FGF14: variants seen among roughly 807,000 people sequenced by gnomAD.
FGF14 encodes the protein fibroblast growth factor homologous factor 4.
In FGF14, 5 loss-of-function variants were observed where a neutral mutation model predicts 25.5. The ratio of observed to expected loss-of-function variants is 0.20; its 90% CI spans 0.10 to 0.41. The LOEUF (loss-of-function observed/expected upper bound fraction) is 0.41, where lower values mean the gene tolerates loss of function less well. Among genes scored for constraint, FGF14 ranks in the 10% least tolerant of loss-of-function variants. FGF14 has a pLI of 1.00. For synonymous variants in FGF14, 138 were observed against 118.3 expected (o/e 1.17, Z -1.08); for missense variants, 222 against 320.1 (o/e 0.69, Z 2.34).
intron 1 of FGF14, among the ~76,000 whole-genome samples, chr13:102,326,362 A>G (rs2138795439): frequency 6.6e-6 from 1 of 152,292 alleles, no homozygotes; most frequent in Admixed American, 6.5e-5. Context: ...ATATAGCCTA[A>G]GTTCAATTTA....
In FGF14 at chr13:102,287,127, T is replaced by TA. The variant is rs1195119613; in HGVS notation, c.208+114343dup. On this transcript the variant is annotated intron_variant, in intron 1 of 4. Transcript: ENST00000376131. ...ATGTACCCTAGAACTTAAAGTACAA[T>TA]AAAAAAAAAGAACAAACAGAAAACA... Among the ~76,000 whole-genome samples the TA allele has an allele frequency of 2.6e-3, 389 of 150,300 alleles. 1 individual carries two copies. The highest frequency in any genetic ancestry group is 8.2e-3 in the African/African-American group (334 of 40,940).
At chr13:101,916,314 G>C (rs922789815) in intron 1 of FGF14, 139 bp downstream of exon 1, 6 of 1,038,200 alleles carry the variant, frequency 5.8e-6, no homozygotes, top group African/African-American at 3.2e-5. Flanking sequence ...TCCCCGCGAC[G>C]GCACCCAGAG....
chr13:102,065,930 A>T (rs908117270), intron 1 of FGF14, among the ~76,000 whole-genome samples: 7 of 152,120 alleles, frequency 4.6e-5, no homozygotes, highest in Admixed American at 3.9e-4. Flanking sequence ...TTACCTATGG[A>T]TATATATTCT....
rs1049302131 is a variant in FGF14 at position 102,384,749 on chromosome 13, C to A, written c.208+16722G>T. ...TATTTTATTTACTGTTTTATTAAAC[C>A]ATCGCTTCTGATCAACTTGGAGATC... On this transcript the variant is annotated intron_variant, in intron 1 of 4. Coordinates refer to the FGF14 transcript ENST00000376131. 5.3e-5 allele frequency among the ~76,000 whole-genome samples: 8 copies of A among 152,132 alleles called. No homozygotes were observed. In the East Asian group the frequency reaches 5.8e-4, roughly 11 times the overall value.
intron 2 of FGF14, among the ~76,000 whole-genome samples, chr13:101,872,878 G>A (rs1053759060): frequency 6.6e-6 from 1 of 152,076 alleles, no homozygotes; most frequent in Admixed American, 6.6e-5. Context: ...CCCCTCGAGT[G>A]TGGGCATTAT....
intron 3 of FGF14, among the ~76,000 whole-genome samples, chr13:101,773,342 A>G (rs774252986): frequency 6.6e-6 from 1 of 152,134 alleles, no homozygotes; most frequent in Non-Finnish European, 1.5e-5. Context: ...TCACTTAGCT[A>G]ATAGGAAATC....
intron 1 of FGF14, among the ~76,000 whole-genome samples, chr13:102,046,549 T>C (rs1221913070): frequency 6.6e-6 from 1 of 152,174 alleles, no homozygotes; most frequent in Non-Finnish European, 1.5e-5. Flanking sequence ...GTCATAAATC[T>C]TTATTTGACA....
At chr13:101,897,509 T>G (rs953471510) in intron 1 of FGF14, among the ~76,000 whole-genome samples, 6 of 152,190 alleles carry the variant, frequency 3.9e-5, no homozygotes, top group African/African-American at 1.4e-4. Context: ...ATACACCTGT[T>G]GCCCAGAGTT....
At position 102,150,052 on chromosome 13, in the gene FGF14, G is replaced by A. The variant is rs182378715; in HGVS notation, c.208+251419C>T. 3.9e-4 allele frequency among the ~76,000 whole-genome samples: 60 copies of A among 152,262 alleles called. 2 individuals are homozygous for A. Among genetic ancestry groups the A allele is most frequent in the Admixed American group, 2.7e-3 (41 of 15,286 alleles). ...GGCATGTCTTAGAATGTGAGTTGAG[G>A]GGAAAATGCTACCCCAGTTGAAGCG... On this transcript the variant is annotated intron_variant, in intron 1 of 4. Coordinates refer to the FGF14 transcript ENST00000376131.
chr13:101,930,013 A>G (rs975422405), intron 1 of FGF14, among the ~76,000 whole-genome samples: 3 of 152,246 alleles, frequency 2.0e-5, no homozygotes, highest in Admixed American at 2.0e-4. Context: ...CCACTAGCTG[A>G]TTAGAGGGCT....
chr13:102,355,737 T>C (rs1486024193), intron 1 of FGF14, among the ~76,000 whole-genome samples: 5 of 152,082 alleles, frequency 3.3e-5, no homozygotes. Context: ...AGTTTGTGTC[T>C]TCATACTCTG....
chr13:101,858,745 C>G lies in FGF14; in HGVS notation c.408+9980G>C, dbSNP rs528314514. On this transcript the variant is annotated intron_variant, in intron 3 of 4. Transcript: ENST00000376143. ...TGATGTTTATGACTTTCTTCTTTGACGCTGAAAGAAAATATAAAACCAAAG... is the reference window on the plus strand; with the variant it reads ...TGATGTTTATGACTTTCTTCTTTGAGGCTGAAAGAAAATATAAAACCAAAG... Among the ~76,000 whole-genome samples, 6 of 152,138 alleles carry G rather than the reference C, an allele frequency of 3.9e-5. No homozygotes were observed. The South Asian group carries it at 1.2e-3, about 32-fold the overall frequency.
chr13:102,394,516 C>T (rs1253848075), intron 1 of FGF14: 1 of 152,496 alleles, frequency 6.6e-6, no homozygotes, highest in African/African-American at 2.4e-5. Context: ...GTTTCCATAG[C>T]AACAACAGCA....
chr13:101,860,644 G>T (rs767218650), intron 3 of FGF14, among the ~76,000 whole-genome samples: 1 of 151,778 alleles, frequency 6.6e-6, no homozygotes, highest in East Asian at 1.9e-4. Flanking sequence ...TGGTGTGATC[G>T]CAACTCACTG....
chr13:102,365,968 T>G (rs948189987), intron 1 of FGF14, among the ~76,000 whole-genome samples: 17 of 152,166 alleles, frequency 1.1e-4, no homozygotes, highest in African/African-American at 4.1e-4. Flanking sequence ...CCACTGTCAT[T>G]TGCCCAACTG....
At chr13:101,907,058 G>A (rs1449326480) in intron 1 of FGF14, among the ~76,000 whole-genome samples, 5 of 152,012 alleles carry the variant, frequency 3.3e-5, no homozygotes, top group Non-Finnish European at 1.5e-5. Context: ...TGCTATGATA[G>A]TAATTAAGGA....
rs41388245 is a variant in FGF14, at chr13:102,314,407, A to C, written c.208+87064T>G. On this transcript the variant is annotated intron_variant, in intron 1 of 4. Coordinates refer to the FGF14 transcript ENST00000376131. The stretch of plus-strand genomic sequence containing the variant: ...GAATATGTCCTCAATCGCGCTATAC[A>C]TATTTCCTGAACTGAAGGGACCATT... Among the ~76,000 whole-genome samples the C allele has an allele frequency of 4.2e-3, 640 of 152,280 alleles. 7 individuals are homozygous for C. The highest frequency in any genetic ancestry group is 0.015 in the African/African-American group (609 of 41,566).
Position 102,074,368 on chromosome 13 carries a change from G to A in FGF14, c.209-199072C>T, listed in dbSNP as rs571749199. 1.6e-3 allele frequency among the ~76,000 whole-genome samples: 247 copies of A among 152,150 alleles called. 1 individual carries two copies. The highest frequency in any genetic ancestry group is 5.2e-3 in the African/African-American group (214 of 41,502). The stretch of plus-strand genomic sequence containing the variant: ...CATTTGTTCCTGGGGGAAAAATATC[G>A]TATTCTTTCACCCAACTCCCTACCT... On this transcript the variant is annotated intron_variant, in intron 1 of 4. Transcript: ENST00000376131.
rs375983072 is a variant in FGF14, at chr13:102,347,425, CT to C, written c.208+54045del. 1.1e-3 allele frequency among the ~76,000 whole-genome samples: 160 copies of C among 152,016 alleles called. 2 individuals are homozygous for C. The East Asian group carries it at 0.024, about 23-fold the overall frequency. The stretch of plus-strand genomic sequence containing the variant: ...GTCATCGGTGTCACAGAAGACCCCC[CT>C]GAGATGGTGAGGTGGATGTGTACAA... On this transcript the variant is annotated intron_variant, in intron 1 of 4. Coordinates refer to the FGF14 transcript ENST00000376131.
Sources: allele counts gnomAD v4.1 joint callset (sites outside exome capture counted in the v4.1 genomes callset), GRCh38; gene constraint gnomAD v4.1.1; transcripts MANE v1.5; gene names NCBI Gene and HGNC (gene_info 2026-07-23, HGNC 2026-07-21).